ACVR1C: variants seen among roughly 807,000 people sequenced by gnomAD.
ACVR1C encodes activin A receptor type 1C, also known as activin receptor type-1C.
Under a neutral mutation model 57.9 loss-of-function variants are expected in ACVR1C, and 23 were observed. The observed-to-expected ratio is 0.40, with a 90% CI of 0.29 to 0.56. ACVR1C has a LOEUF of 0.56. ACVR1C is among the 20% of genes least tolerant of loss of function. The pLI is 0.50. For missense variants in ACVR1C, 480 were observed against 607.9 expected (o/e 0.79, Z 2.21); for synonymous variants, 214 against 215.3 (o/e 0.99, Z 0.05).
At chr2:157,557,360 A>G (rs1688129780) in intron 2 of ACVR1C, among the ~76,000 whole-genome samples, 1 of 152,180 alleles carries the variant, frequency 6.6e-6, no homozygotes, top group Admixed American at 6.5e-5. Context: ...GCCAATTAGA[A>G]ACCTAATGCA....
At chr2:157,606,377 A>G (rs796106863) in intron 1 of ACVR1C, among the ~76,000 whole-genome samples, 5 of 151,926 alleles carry the variant, frequency 3.3e-5, no homozygotes, top group African/African-American at 1.2e-4. Flanking sequence ...GAATCTCCAT[A>G]TTGTTTTCCA....
Position 157,600,018 on chromosome 2 carries a change from G to A in ACVR1C, c.74-12601C>T, listed in dbSNP as rs372098360. Among the ~76,000 whole-genome samples the A allele has an allele frequency of 9.9e-5, 15 of 152,278 alleles. No individual in the cohort carries two copies. The South Asian group carries it at 2.1e-3, about 21-fold the overall frequency. On this transcript the variant is annotated intron_variant, in intron 1 of 8. Coordinates refer to ENST00000243349, the MANE Select transcript of ACVR1C (RefSeq NM_145259.3). The stretch of plus-strand genomic sequence containing the variant: ...CTCTAATGTGCCTTTCAGTTGTAAC[G>A]TTCTATAACCCCAAAAGCAGAAGGC...
At chr2:157,598,586 C>T (rs961619102) in intron 1 of ACVR1C, among the ~76,000 whole-genome samples, 6 of 149,628 alleles carry the variant, frequency 4.0e-5, no homozygotes, top group Non-Finnish European at 7.4e-5. Flanking sequence ...GTCACCCAGG[C>T]TGGAGTGTAG....
intron 2 of ACVR1C, among the ~76,000 whole-genome samples, chr2:157,579,025 T>C (rs1220783584): frequency 6.6e-6 from 1 of 152,228 alleles, no homozygotes; most frequent in African/African-American, 2.4e-5. Context: ...TAATTAACTT[T>C]TTTTCCTCTG....
intron 2 of ACVR1C, among the ~76,000 whole-genome samples, chr2:157,565,693 A>G (rs1688352210): frequency 1.3e-5 from 2 of 152,114 alleles, no homozygotes; most frequent in Non-Finnish European, 2.9e-5. Context: ...CCACTGTTTG[A>G]TGCTCAGTCT....
chr2:157,574,469 T>G (rs1029949760), intron 2 of ACVR1C, among the ~76,000 whole-genome samples: 2 of 152,176 alleles, frequency 1.3e-5, no homozygotes, highest in Non-Finnish European at 1.5e-5. Context: ...ACATATGAAC[T>G]TAGGGGGAAC....
At position 157,532,247 on chromosome 2, in the gene ACVR1C, T is replaced by C. The variant is rs1484943339; in HGVS notation, c.*1671A>G. ...ATTACCCAAGCTGTGCTTTGCTTTATAGAACAGTTAAATATGGGATAGTAA... is the reference window on the plus strand; with the variant it reads ...ATTACCCAAGCTGTGCTTTGCTTTACAGAACAGTTAAATATGGGATAGTAA... On this transcript the variant is annotated 3_prime_UTR_variant, in exon 9 of 9. Coordinates refer to ENST00000243349, the MANE Select transcript of ACVR1C (RefSeq NM_145259.3). 1 of 152,044 alleles carries C rather than the reference T, an allele frequency of 6.6e-6. No homozygotes were observed. Among genetic ancestry groups the C allele is most frequent in the Admixed American group, 6.6e-5 (1 of 15,242 alleles). The allele number at this position is 152,044 out of a possible 1,614,324, so 9.4% of individuals were successfully genotyped here. A position where few individuals can be genotyped will look rare whatever the true frequency, so the allele number is the denominator to read the frequency against.
At chr2:157,549,829 C>CAAAAAAAAAAAAAA in intron 4 of ACVR1C, among the ~76,000 whole-genome samples, 1 of 47,532 alleles carries the variant, frequency 2.1e-5, no homozygotes, top group South Asian at 9.6e-4. Flanking sequence ...ACTAAAAATA[C>CAAAAAAAAAAAAAA]AAAAAAAAAA....
chr2:157,579,429 G>A (rs1688733432), intron 2 of ACVR1C, among the ~76,000 whole-genome samples: 1 of 152,080 alleles, frequency 6.6e-6, no homozygotes, highest in African/African-American at 2.4e-5. Flanking sequence ...TCCCTAAGTT[G>A]TGTAAATTAG....
intron 2 of ACVR1C, among the ~76,000 whole-genome samples, chr2:157,559,374 C>T (rs535806218): frequency 3.3e-5 from 5 of 152,092 alleles, no homozygotes; most frequent in African/African-American, 9.6e-5. Flanking sequence ...TAAAACTATG[C>T]TTTAAACCTA....
intron 1 of ACVR1C, among the ~76,000 whole-genome samples, chr2:157,614,043 T>C (rs776758145): frequency 3.3e-5 from 5 of 152,224 alleles, no homozygotes; most frequent in Non-Finnish European, 7.4e-5. Context: ...ATGTCTTTAA[T>C]CTCTTTAGGA....
At chr2:157,577,880 T>TGTTTTTGTTTTTGTTTTG (rs1321091946) in intron 2 of ACVR1C, among the ~76,000 whole-genome samples, 1 of 152,090 alleles carries the variant, frequency 6.6e-6, no homozygotes, top group Admixed American at 6.5e-5. Flanking sequence ...TTTTTGTTTT[T>TGTTTTTGTTTTTGTTTTG]GTTTTTGTTT....
intron 8 of ACVR1C, among the ~76,000 whole-genome samples, chr2:157,534,556 GA>G (rs962256491): frequency 4.6e-5 from 7 of 151,580 alleles, no homozygotes; most frequent in South Asian, 4.2e-4. Flanking sequence ...GTAAACGTAC[GA>G]AAAAAAATTC....
intron 3 of ACVR1C, among the ~76,000 whole-genome samples, chr2:157,554,229 A>G (rs1425710056): frequency 1.5e-5 from 2 of 130,736 alleles, no homozygotes; most frequent in South Asian, 2.4e-4. Flanking sequence ...GAAAGAAAGA[A>G]AGAAAGAAAG....
intron 6 of ACVR1C, among the ~76,000 whole-genome samples, chr2:157,542,286 T>C (rs115141316): frequency 0.013 from 2,042 of 152,326 alleles, 54 homozygotes; most frequent in African/African-American, 0.046. Context: ...TTTCAACATA[T>C]TGATTCTGTG....
intron 6 of ACVR1C, among the ~76,000 whole-genome samples, chr2:157,541,471 T>A (rs906560878): frequency 6.6e-6 from 1 of 152,196 alleles, no homozygotes; most frequent in South Asian, 2.1e-4. Flanking sequence ...AGAGTCAGTA[T>A]AAGAAATCTA....
At position 157,543,006 on chromosome 2, in the gene ACVR1C, A is replaced by C. The variant is rs1343813779; in HGVS notation, c.944-144T>G. 10 of 738,936 alleles carry C rather than the reference A, an allele frequency of 1.4e-5. No homozygotes were observed. The East Asian group carries it at 2.7e-4, about 20-fold the overall frequency. The allele number at this position is 738,936 out of a possible 1,614,324, so 45.8% of individuals were successfully genotyped here. On this transcript the variant is annotated intron_variant, in intron 5 of 8. Transcript: ENST00000243349. The stretch of plus-strand genomic sequence containing the variant: ...TGTCACTATCTAAATTATCTTGTTT[A>C]TTTATGTACATGCTGAATCATCTGT...
intron 6 of ACVR1C, among the ~76,000 whole-genome samples, chr2:157,541,954 A>C (rs1393317146): frequency 6.6e-6 from 1 of 152,204 alleles, no homozygotes; most frequent in Non-Finnish European, 1.5e-5. Context: ...TTCAAGTAAA[A>C]ATAATTGGAA....
chr2:157,598,981 G>A lies in ACVR1C; in HGVS notation c.74-11564C>T, dbSNP rs376409856. 9.6e-4 allele frequency among the ~76,000 whole-genome samples: 146 copies of A among 152,078 alleles called. 3 individuals are homozygous for A. In the South Asian group the frequency reaches 0.029, roughly 30 times the overall value. On this transcript the variant is annotated intron_variant, in intron 1 of 8. Transcript: ENST00000243349. Reference sequence around the variant, plus strand: ...TCCACATGGAAATGTTGTCTCAAGTGGAAGGGGCAATTTTCTGTAGTGCTA... The same window carrying A: ...TCCACATGGAAATGTTGTCTCAAGTAGAAGGGGCAATTTTCTGTAGTGCTA...
Sources: allele counts gnomAD v4.1 joint callset (sites outside exome capture counted in the v4.1 genomes callset), GRCh38; gene constraint gnomAD v4.1.1; transcripts MANE v1.5; gene names NCBI Gene and HGNC (gene_info 2026-07-23, HGNC 2026-07-21).